Variants in POMP observed in about 807,000 individuals in gnomAD.
POMP encodes 2510048O06Rik.
A neutral mutation model predicts 20.6 loss-of-function variants in POMP; 12 were observed. The ratio of observed to expected loss-of-function variants is 0.58; its 90% CI spans 0.37 to 0.94. The LOEUF (loss-of-function observed/expected upper bound fraction) is 0.94, where lower values mean the gene tolerates loss of function less well. Ranked by LOEUF, POMP falls within the 40% of genes least tolerant of loss-of-function variation. The probability of loss-of-function intolerance (pLI) is 0.01; values close to 1 mark genes in which losing one functional copy is unlikely to be tolerated. For missense variants in POMP, 136 were observed against 161.1 expected (o/e 0.84, Z 0.84); for synonymous variants, 53 against 55.0 (o/e 0.96, Z 0.16).
chr13:28,666,254 T>C (rs1045838070), intron 3 of POMP, among the ~76,000 whole-genome samples: 1 of 152,216 alleles, frequency 6.6e-6, no homozygotes, highest in Non-Finnish European at 1.5e-5. Flanking sequence ...TAATTGACTG[T>C]ATACTCACTA....
At chr13:28,664,998 C>G (rs1280572724) in intron 3 of POMP, among the ~76,000 whole-genome samples, 1 of 152,146 alleles carries the variant, frequency 6.6e-6, no homozygotes, top group Non-Finnish European at 1.5e-5. Flanking sequence ...CATCCCCATC[C>G]TTAAATAACT....
chr13:28,678,462 T>C lies in POMP; in HGVS notation c.*360T>C, dbSNP rs1468509032. The C allele has an allele frequency of 1.3e-5, 3 of 237,454 alleles. No individual in the cohort carries two copies. Among genetic ancestry groups the C allele is most frequent in the African/African-American group, 4.6e-5 (2 of 43,214 alleles). 14.7% of individuals were successfully genotyped at this position (237,454 alleles called of 1,614,324 possible). A position where few individuals can be genotyped will look rare whatever the true frequency, so the allele number is the denominator to read the frequency against. On this transcript the variant is annotated 3_prime_UTR_variant, in exon 6 of 6. Transcript: ENST00000380842. ...TAAGCATTTGAGTCTATAAACTTTA[T>C]AGTAGCATCTTTCAGAATAAACATT...
In POMP at chr13:28,672,280, A is replaced by G. The variant is rs575324394; in HGVS notation, c.265-59A>G. ...TAAAGAACATGAAATTAGACTATAT[A>G]TTCTGTCATTTTCCCCTGAGTTTTT... On this transcript the variant is annotated intron_variant, in intron 4 of 5. Transcript: ENST00000380842. 2.4e-4 allele frequency: 299 copies of G among 1,254,088 alleles called. 1 individual carries two copies. Among genetic ancestry groups the G allele is most frequent in the Non-Finnish European group, 3.3e-4 (280 of 852,032 alleles). The allele number at this position is 1,254,088 out of a possible 1,614,324, so 77.7% of individuals were successfully genotyped here.
chr13:28,677,424 A>G (rs1438235684), intron 5 of POMP, among the ~76,000 whole-genome samples: 7 of 152,202 alleles, frequency 4.6e-5, no homozygotes, highest in Non-Finnish European at 8.8e-5. Context: ...TGAGTAGAGG[A>G]CAAAGAAAAA....
intron 2 of POMP, among the ~76,000 whole-genome samples, chr13:28,664,023 C>G (rs773511611): frequency 6.6e-6 from 1 of 152,124 alleles, no homozygotes; most frequent in Non-Finnish European, 1.5e-5. Context: ...CTAGTTGTGC[C>G]TTACCTAACA....
intron 2 of POMP, among the ~76,000 whole-genome samples, chr13:28,663,300 T>C (rs1884380720): frequency 6.6e-6 from 1 of 152,134 alleles, no homozygotes; most frequent in Non-Finnish European, 1.5e-5. Flanking sequence ...GTATTTACTC[T>C]TATTTTTTGT....
chr13:28,668,444 A>G, intron 3 of POMP, 29 bp from the exon 4 acceptor site: 1 of 1,475,622 alleles, frequency 6.8e-7, no homozygotes, highest in Non-Finnish European at 9.5e-7. Flanking sequence ...TATTGAGTGT[A>G]ATGTTTAAAA....
intron 4 of POMP, among the ~76,000 whole-genome samples, chr13:28,668,896 A>T (rs1056268023): frequency 1.3e-5 from 2 of 152,118 alleles, no homozygotes; most frequent in African/African-American, 4.8e-5. Flanking sequence ...ATTTGTATAT[A>T]GTTGAATATA....
chr13:28,661,640 G>A (rs1329736196), intron 1 of POMP, among the ~76,000 whole-genome samples: 1 of 152,108 alleles, frequency 6.6e-6, no homozygotes, highest in Non-Finnish European at 1.5e-5. Context: ...TGGTGATTGC[G>A]CATTTCACAG....
chr13:28,677,154 C>T lies in POMP; in HGVS notation c.359-881C>T, dbSNP rs190370372. On this transcript the variant is annotated intron_variant, in intron 5 of 5. Transcript: ENST00000380842. ...CTGTTTTAGTTTGGTTTAGTCTGTC[C>T]TTCCAGACTGTTCTGCGTGTCTTTC... Among the ~76,000 whole-genome samples the T allele has an allele frequency of 2.3e-3, 350 of 152,098 alleles. 3 individuals carry two copies. The highest frequency in any genetic ancestry group is 8.2e-3 in the African/African-American group (342 of 41,504).
chr13:28,668,332 T>A lies in POMP; in HGVS notation c.163-141T>A, dbSNP rs968240289. 4 of 636,824 alleles carry A rather than the reference T, an allele frequency of 6.3e-6. No individual in the cohort carries two copies. The African/African-American group carries it at 7.3e-5, about 12-fold the overall frequency. 39.4% of individuals were successfully genotyped at this position (636,824 alleles called of 1,614,324 possible). A position where few individuals can be genotyped will look rare whatever the true frequency, so the allele number is the denominator to read the frequency against. ...GTGGTCTAAAATTTGTCAGAAAAAA[T>A]TAGTAAAAATACTTAGTTTTTATTA... On this transcript the variant is annotated intron_variant, in intron 3 of 5. Coordinates refer to ENST00000380842, the MANE Select transcript of POMP (RefSeq NM_015932.6).
chr13:28,663,773 C>T (rs1593172038), intron 2 of POMP, among the ~76,000 whole-genome samples: 1 of 152,244 alleles, frequency 6.6e-6, no homozygotes, highest in East Asian at 1.9e-4. Flanking sequence ...ATTGGCTAGG[C>T]AGTAACTAAG....
At chr13:28,662,364 T>A (rs777336706) in intron 1 of POMP, 46 bp from the exon 2 acceptor site, 2 of 1,459,528 alleles carry the variant, frequency 1.4e-6, no homozygotes, top group South Asian at 2.3e-5. Context: ...TGGGTGTGTG[T>A]TTAAATTTTT....
At chr13:28,661,741 G>A (rs1243593571) in intron 1 of POMP, among the ~76,000 whole-genome samples, 3 of 152,066 alleles carry the variant, frequency 2.0e-5, no homozygotes, top group Non-Finnish European at 4.4e-5. Context: ...AGTTTTTATA[G>A]GTAGCGCTAT....
rs978234128 is a variant in POMP, at chr13:28,662,513, T to C, written c.101+6T>C. On this transcript the variant is annotated splice_donor_region_variant and intron_variant, in intron 2 of 5. Transcript: ENST00000380842. ...CATGATCTTCTTCGGAAAGGGTATA[T>C]GGGGGAGTTATGACTTTGATTTTGT... 1.3e-6 allele frequency: 2 copies of C among 1,596,320 alleles called. No individual in the cohort carries two copies. The highest frequency in any genetic ancestry group is 2.7e-5 in the African/African-American group (2 of 74,500).
intron 5 of POMP, among the ~76,000 whole-genome samples, chr13:28,677,787 G>A (rs950144826): frequency 2.6e-5 from 4 of 152,156 alleles, no homozygotes; most frequent in African/African-American, 9.7e-5. Flanking sequence ...TAAGTGTACA[G>A]TTCTGTGGGT....
At chr13:28,661,692 T>C (rs1884344505) in intron 1 of POMP, among the ~76,000 whole-genome samples, 3 of 152,186 alleles carry the variant, frequency 2.0e-5, no homozygotes, top group Non-Finnish European at 4.4e-5. Flanking sequence ...TGCACTGTCT[T>C]TTTTACTTTG....
At chr13:28,665,685 A>G (rs1884431480) in intron 3 of POMP, among the ~76,000 whole-genome samples, 1 of 152,252 alleles carries the variant, frequency 6.6e-6, no homozygotes. Flanking sequence ...AGCTGTGAGC[A>G]TTTAATAGGG....
At position 28,662,208 on chromosome 13, in the gene POMP, C is replaced by T. The variant is rs1356876652; in HGVS notation, c.4-202C>T. On this transcript the variant is annotated intron_variant, in intron 1 of 5. Coordinates refer to ENST00000380842, the MANE Select transcript of POMP (RefSeq NM_015932.6). Reference sequence around the variant, plus strand: ...GAGATCACCTCAGGAATCCTTCCCACATCTAAATTTGGTATTTTCATTGTA... The same window carrying T: ...GAGATCACCTCAGGAATCCTTCCCATATCTAAATTTGGTATTTTCATTGTA... 2.6e-5 allele frequency among the ~76,000 whole-genome samples: 4 copies of T among 152,182 alleles called. No individual in the cohort carries two copies. In the East Asian group the frequency reaches 7.7e-4, roughly 29 times the overall value.
Sources: allele counts gnomAD v4.1 joint callset (sites outside exome capture counted in the v4.1 genomes callset), GRCh38; gene constraint gnomAD v4.1.1; transcripts MANE v1.5; gene names NCBI Gene and HGNC (gene_info 2026-07-23, HGNC 2026-07-21).